Variants in NELL2 observed in about 807,000 individuals in gnomAD.
NELL2 encodes the protein protein kinase C-binding protein NELL2.
NELL2 carries 41 observed loss-of-function variants against 109.6 expected under a neutral mutation model. The ratio of observed to expected loss-of-function variants is 0.37; its 90% CI spans 0.29 to 0.49. The LOEUF (loss-of-function observed/expected upper bound fraction) is 0.49, where lower values mean the gene tolerates loss of function less well. NELL2 is among the 20% of genes least tolerant of loss of function. The pLI is 0.98. For missense variants in NELL2, 900 were observed against 1,008.3 expected (o/e 0.89, Z 1.45); for synonymous variants, 355 against 344.7 (o/e 1.03, Z -0.33).
rs181817057 is a variant in NELL2, at chr12:44,894,164, A to G, written c.39-18264T>C. 7.4e-3 allele frequency among the ~76,000 whole-genome samples: 1,124 copies of G among 152,340 alleles called. 6 individuals are homozygous for G. The highest frequency in any genetic ancestry group is 0.013 in the Non-Finnish European group (856 of 68,040). Reference sequence around the variant, plus strand: ...ATAATCATAAAAAACAAAAAGTTATAAAGCAAATAGCAAGTCCCTGTATTA... The same window carrying G: ...ATAATCATAAAAAACAAAAAGTTATGAAGCAAATAGCAAGTCCCTGTATTA... On this transcript the variant is annotated intron_variant, in intron 1 of 20. Transcript: ENST00000333837.
chr12:44,865,337 C>T (rs1464089379), intron 2 of NELL2, among the ~76,000 whole-genome samples: 1 of 147,652 alleles, frequency 6.8e-6, no homozygotes, highest in East Asian at 2.0e-4. Flanking sequence ...TCACTCTGAT[C>T]ATGCTGCTCT....
chr12:44,734,621 T>A (rs1184396346), intron 9 of NELL2, among the ~76,000 whole-genome samples: 2 of 151,950 alleles, frequency 1.3e-5, no homozygotes, highest in African/African-American at 4.8e-5. Context: ...TTTAGAAATT[T>A]AACACTCTTT....
chr12:44,531,195 A>T (rs1208706868), intron 16 of NELL2, among the ~76,000 whole-genome samples: 1 of 152,216 alleles, frequency 6.6e-6, no homozygotes, highest in African/African-American at 2.4e-5. Flanking sequence ...AGAGAAATGA[A>T]GATGCATACT....
Position 44,886,378 on chromosome 12 carries a change from C to T in NELL2, c.39-10478G>A, listed in dbSNP as rs532646021. On this transcript the variant is annotated intron_variant, in intron 1 of 20. Transcript: ENST00000333837. ...AAACTTCTAGCTTTTTGAAAGATAC[C>T]ATCAAGAAAATTAAAAGTCAAGCAA... Among the ~76,000 whole-genome samples, 3 of 151,654 alleles carry T rather than the reference C, an allele frequency of 2.0e-5. No homozygotes were observed. The South Asian group carries it at 6.2e-4, about 32-fold the overall frequency.
chr12:44,566,267 A>C (rs1943653680), intron 15 of NELL2, among the ~76,000 whole-genome samples: 1 of 152,166 alleles, frequency 6.6e-6, no homozygotes, highest in Non-Finnish European at 1.5e-5. Flanking sequence ...ATTTTTAGAG[A>C]GTAGATGCCT....
chr12:44,774,818 C>T lies in NELL2; in HGVS notation c.923G>A (p.Cys308Tyr). The change falls in exon 9 of 20, where the codon TGC becomes TAC. Residue 308 changes from cysteine to tyrosine, a missense_variant. By Grantham distance (194) the Cys-to-Tyr change is radical. Coordinates refer to ENST00000429094, the MANE Select transcript of NELL2 (RefSeq NM_001145108.2). ...CTTAAGTGGGCAGTCAGGATTTGGGCAGATTAGAGTTTCACACTGGATGGT... is the reference window on the plus strand; with the variant it reads ...CTTAAGTGGGCAGTCAGGATTTGGGTAGATTAGAGTTTCACACTGGATGGT... ...NGTIQCETLI[C>Y]PNPDCPLKSA... 6.2e-7 allele frequency: 1 copy of T among 1,614,028 alleles called. No homozygotes were observed. The highest frequency in any genetic ancestry group is 8.5e-7 in the Non-Finnish European group (1 of 1,179,938).
chr12:44,605,145 A>G (rs1945352115), intron 15 of NELL2, among the ~76,000 whole-genome samples: 1 of 152,152 alleles, frequency 6.6e-6, no homozygotes, highest in Admixed American at 6.6e-5. Context: ...AAGGCCCCCC[A>G]AAGAAACATA....
At chr12:44,583,110 A>G (rs970705145) in intron 15 of NELL2, among the ~76,000 whole-genome samples, 3 of 152,164 alleles carry the variant, frequency 2.0e-5, no homozygotes, top group Middle Eastern at 3.2e-3. Flanking sequence ...ATTCTGTTAT[A>G]GCCACACAAA....
At chr12:44,664,455 G>A (rs1424560660) in intron 13 of NELL2, among the ~76,000 whole-genome samples, 1 of 152,028 alleles carries the variant, frequency 6.6e-6, no homozygotes, top group Non-Finnish European at 1.5e-5. Context: ...CCTTCCCTGT[G>A]ATAAGGCTAT....
chr12:44,510,037 A>T (rs1254415881), intron 19 of NELL2, among the ~76,000 whole-genome samples: 1 of 152,218 alleles, frequency 6.6e-6, no homozygotes, highest in Non-Finnish European at 1.5e-5. Context: ...ATGCATAATT[A>T]GTTTTTGATA....
At position 44,677,590 on chromosome 12, in the gene NELL2, C is replaced by T. The variant is rs554573553; in HGVS notation, c.1319-11981G>A. 6.7e-4 allele frequency among the ~76,000 whole-genome samples: 102 copies of T among 152,114 alleles called. 1 individual carries two copies. The highest frequency in any genetic ancestry group is 1.3e-3 in the Non-Finnish European group (88 of 67,956). ...TTGCTAAACAATATCTTTATAAATGCATGGTAGAGGATAAATTAGAGAAGA... is the reference window on the plus strand; with the variant it reads ...TTGCTAAACAATATCTTTATAAATGTATGGTAGAGGATAAATTAGAGAAGA... On this transcript the variant is annotated intron_variant, in intron 12 of 19. Coordinates refer to ENST00000429094, the MANE Select transcript of NELL2 (RefSeq NM_001145108.2).
upstream of NELL2, among the ~76,000 whole-genome samples, chr12:44,918,674 T>A (rs1566621655): frequency 1.3e-5 from 2 of 152,102 alleles, no homozygotes; most frequent in African/African-American, 4.8e-5. Context: ...CCCAAACACA[T>A]CATGAAGACT....
chr12:44,703,712 A>T lies in NELL2; in HGVS notation c.1318+14T>A. The T allele has an allele frequency of 6.2e-7, 1 of 1,612,932 alleles. No individual in the cohort carries two copies. The highest frequency in any genetic ancestry group is 8.5e-7 in the Non-Finnish European group (1 of 1,179,318). On this transcript the variant is annotated intron_variant, in intron 12 of 19. Coordinates refer to ENST00000429094, the MANE Select transcript of NELL2 (RefSeq NM_001145108.2). ...AATTTATACAGCTGAGCTACACATC[A>T]TTACAAGGATTACCTTCACAGTAGG...
At chr12:44,782,866 C>T (rs758160188) in intron 3 of NELL2, among the ~76,000 whole-genome samples, 1 of 151,938 alleles carries the variant, frequency 6.6e-6, no homozygotes, top group Non-Finnish European at 1.5e-5. Context: ...GAATATATAA[C>T]TCAAAAATAC....
chr12:44,879,124 T>C (rs1379420854), upstream of NELL2, among the ~76,000 whole-genome samples: 4 of 151,998 alleles, frequency 2.6e-5, no homozygotes, highest in Admixed American at 2.6e-4. Context: ...ACTATGAAGA[T>C]GGGAAAATAT....
chr12:44,715,201 C>G (rs1297070892), intron 9 of NELL2, among the ~76,000 whole-genome samples: 1 of 150,310 alleles, frequency 6.7e-6, no homozygotes, highest in Non-Finnish European at 1.5e-5. Context: ...TTCATTTCAG[C>G]ACATCCATGT....
intron 12 of NELL2, among the ~76,000 whole-genome samples, chr12:44,682,763 G>T (rs183823967): frequency 0.018 from 2,802 of 152,228 alleles, 29 homozygotes; most frequent in Non-Finnish European, 0.029. Context: ...GCTCTGTTCC[G>T]TTCCATTGAT....
intron 1 of NELL2, among the ~76,000 whole-genome samples, chr12:44,888,436 G>GA: frequency 7.2e-6 from 1 of 139,766 alleles, no homozygotes; most frequent in East Asian, 2.1e-4. Flanking sequence ...CCTGGACTAA[G>GA]AAAAAAAGAG....
At chr12:44,625,010 A>G (rs1447688285) in intron 13 of NELL2, among the ~76,000 whole-genome samples, 6 of 128,104 alleles carry the variant, frequency 4.7e-5, no homozygotes, top group African/African-American at 2.4e-4. Context: ...ATATATATAT[A>G]TATATATATA....
Sources: allele counts gnomAD v4.1 joint callset (sites outside exome capture counted in the v4.1 genomes callset), GRCh38; gene constraint gnomAD v4.1.1; transcripts MANE v1.5; gene names NCBI Gene and HGNC (gene_info 2026-07-23, HGNC 2026-07-21).